EPB41L4B: variants seen among roughly 807,000 people sequenced by gnomAD.
The protein encoded by EPB41L4B is erythrocyte membrane protein band 4.1 like 4B.
A neutral mutation model predicts 112.5 loss-of-function variants in EPB41L4B; 30 were observed. That is an observed-to-expected ratio of 0.27 (90% confidence interval 0.20 to 0.36). The LOEUF (loss-of-function observed/expected upper bound fraction) is 0.36, where lower values mean the gene tolerates loss of function less well. Ranked by LOEUF, EPB41L4B falls within the 10% of genes least tolerant of loss-of-function variation. The probability of loss-of-function intolerance (pLI) is 1.00; values close to 1 mark genes in which losing one functional copy is unlikely to be tolerated. For missense variants in EPB41L4B, 1,024 were observed against 1,133.3 expected (o/e 0.90, Z 1.38); for synonymous variants, 408 against 439.7 (o/e 0.93, Z 0.90).
chr9:109,252,303 T>C (rs952344814), intron 12 of EPB41L4B, among the ~76,000 whole-genome samples: 16 of 152,196 alleles, frequency 1.1e-4, no homozygotes, highest in African/African-American at 3.9e-4. Context: ...TCTGAACCAG[T>C]GGACTACACA....
At chr9:109,182,907 G>A (rs974880495) in intron 23 of EPB41L4B, 110 bp from the exon 24 acceptor site, 43 of 756,280 alleles carry the variant, frequency 5.7e-5, no homozygotes, top group Admixed American at 8.2e-5. Context: ...GGGTGCCCCC[G>A]CAGAGCCTTC....
Position 109,172,471 on chromosome 9 carries a change from A to C in EPB41L4B, c.*2083T>G, listed in dbSNP as rs943164007. ...AGGGGTAAAAGGACCCAAACGCTAC[A>C]ATTGCCCCGGATAGCTCCACTGACA... On this transcript the variant is annotated 3_prime_UTR_variant, in exon 26 of 26. Coordinates refer to ENST00000374566, the MANE Select transcript of EPB41L4B (RefSeq NM_019114.5). 1.3e-5 allele frequency: 2 copies of C among 152,238 alleles called. No homozygotes were observed. The highest frequency in any genetic ancestry group is 1.3e-4 in the Admixed American group (2 of 15,286). 9.4% of individuals were successfully genotyped at this position (152,238 alleles called of 1,614,324 possible).
intron 12 of EPB41L4B, among the ~76,000 whole-genome samples, chr9:109,251,862 C>A (rs17793161): frequency 0.011 from 1,689 of 152,200 alleles, 22 homozygotes; most frequent in East Asian, 0.086. Context: ...ATCAGGGATG[C>A]AATATAAGCA....
rs1588158966 is a variant in EPB41L4B at position 109,236,587 on chromosome 9, A to G, written c.1409+7031T>C. Reference sequence around the variant, plus strand: ...AAAATGCAGGATCTTGGGTCTTACCACTGACCATTTAGAATGCCACAATCC... The same window carrying G: ...AAAATGCAGGATCTTGGGTCTTACCGCTGACCATTTAGAATGCCACAATCC... On this transcript the variant is annotated intron_variant, in intron 15 of 25. Coordinates refer to ENST00000374566, the MANE Select transcript of EPB41L4B (RefSeq NM_019114.5). Among the ~76,000 whole-genome samples the G allele has an allele frequency of 4.6e-5, 7 of 152,312 alleles. No homozygotes were observed. In the South Asian group the frequency reaches 1.4e-3, roughly 32 times the overall value.
At position 109,200,310 on chromosome 9, in the gene EPB41L4B, T is replaced by A. The variant is rs779225060; in HGVS notation, c.1971A>T (p.Glu657Asp). The change falls in exon 20 of 26, where the codon GAA becomes GAT. Residue 657 changes from glutamate to aspartate, a missense_variant. Glu to Asp is a conservative substitution (Grantham distance 45, BLOSUM62 2). Transcript: ENST00000374566. ...SVRSPIPIRV[E>D]TAQPAVEKPE... ...GCTTTTCCACAGCTGGCTGGGCAGT[T>A]TCCACACGAATAGGAATAGGACTTC... 1.2e-6 allele frequency: 2 copies of A among 1,614,136 alleles called. No individual in the cohort carries two copies. Among genetic ancestry groups the A allele is most frequent in the East Asian group, 4.5e-5 (2 of 44,882 alleles).
rs886842346 is a variant in EPB41L4B, at chr9:109,279,962, C to G, written c.307-41G>C. On this transcript the variant is annotated intron_variant, in intron 1 of 25. Transcript: ENST00000374566. ...GAAGATGAAAAAACTTAGGGTGAGA[C>G]AGCTAGATAAGAAAAAAAAGGTTAA... 2.0e-6 allele frequency: 3 copies of G among 1,491,562 alleles called. No homozygotes were observed. The African/African-American group carries it at 4.2e-5, about 21-fold the overall frequency. The allele number at this position is 1,491,562 out of a possible 1,614,324, so 92.4% of individuals were successfully genotyped here. A position where few individuals can be genotyped will look rare whatever the true frequency, so the allele number is the denominator to read the frequency against.
rs923346092 is a variant in EPB41L4B at position 109,194,416 on chromosome 9, C to T, written c.2046-19G>A. The T allele has an allele frequency of 2.5e-6, 4 of 1,612,112 alleles. No homozygotes were observed. The highest frequency in any genetic ancestry group is 1.7e-6 in the Non-Finnish European group (2 of 1,178,856). ...TTCATCACTGCGGTTACTAAAAGCA[C>T]ATGAAGCTCTGCTCATTACAATAAT... is the stretch of plus-strand genomic sequence containing the variant. On this transcript the variant is annotated intron_variant, in intron 20 of 25. Coordinates refer to ENST00000374566, the MANE Select transcript of EPB41L4B (RefSeq NM_019114.5).
chr9:109,200,975 T>A (rs902901121), intron 19 of EPB41L4B, among the ~76,000 whole-genome samples: 3 of 152,136 alleles, frequency 2.0e-5, no homozygotes, highest in Non-Finnish European at 2.9e-5. Flanking sequence ...TTAAGGAAAA[T>A]TTTTAATGCA....
chr9:109,231,037 T>C lies in EPB41L4B; in HGVS notation c.1409+12581A>G, dbSNP rs375006954. ...AGCTGGGCATAGTGGTGCACGCCTG[T>C]AGTCCCAGCTACCCAGGAGAATGAA... is the stretch of plus-strand genomic sequence containing the variant. On this transcript the variant is annotated intron_variant, in intron 15 of 25. Transcript: ENST00000374566. Among the ~76,000 whole-genome samples, 6 of 151,972 alleles carry C rather than the reference T, an allele frequency of 3.9e-5. No homozygotes were observed. In the East Asian group the frequency reaches 5.8e-4, roughly 15 times the overall value.
intron 23 of EPB41L4B, 56 bp from the exon 24 acceptor site, chr9:109,182,853 C>T: frequency 2.3e-6 from 3 of 1,278,738 alleles, no homozygotes; most frequent in South Asian, 1.2e-5. Flanking sequence ...CAAAGTTTTG[C>T]AATCTTTGGC....
intron 15 of EPB41L4B, among the ~76,000 whole-genome samples, chr9:109,217,361 C>T (rs73654230): frequency 6.6e-6 from 1 of 152,104 alleles, no homozygotes; most frequent in African/African-American, 2.4e-5. Context: ...AGTCTTGTAA[C>T]TTAAAGAAGT....
chr9:109,316,009 A>G (rs1837620799), intron 1 of EPB41L4B, among the ~76,000 whole-genome samples: 1 of 152,132 alleles, frequency 6.6e-6, no homozygotes, highest in Non-Finnish European at 1.5e-5. Context: ...AGAGGTTTCT[A>G]AGATTACAAC....
Position 109,194,492 on chromosome 9 carries a change from G to A in EPB41L4B, c.2046-95C>T. ...GGATGGGCAGGGGTGGGAAGACCAG[G>A]GATGGGGATTGGGGGTTCCCAAACA... On this transcript the variant is annotated intron_variant, in intron 20 of 25. Coordinates refer to ENST00000374566, the MANE Select transcript of EPB41L4B (RefSeq NM_019114.5). 2.9e-6 allele frequency: 4 copies of A among 1,357,108 alleles called. No individual in the cohort carries two copies. In the South Asian group the frequency reaches 5.6e-5, roughly 19 times the overall value. The allele number at this position is 1,357,108 out of a possible 1,614,324, so 84.1% of individuals were successfully genotyped here.
Position 109,173,455 on chromosome 9 carries a change from G to C in EPB41L4B, c.*1099C>G, listed in dbSNP as rs974316393. On this transcript the variant is annotated 3_prime_UTR_variant, in exon 26 of 26. Transcript: ENST00000374566. ...ATTCATAGCAGCACTATTTATAAGAGTGAAAAATTAGATATAACTCAAATA... is the reference window on the plus strand; with the variant it reads ...ATTCATAGCAGCACTATTTATAAGACTGAAAAATTAGATATAACTCAAATA... 5 of 152,240 alleles carry C rather than the reference G, an allele frequency of 3.3e-5. No individual in the cohort carries two copies. Among genetic ancestry groups the C allele is most frequent in the African/African-American group, 1.2e-4 (5 of 41,308 alleles). The allele number at this position is 152,240 out of a possible 1,614,324, so 9.4% of individuals were successfully genotyped here. A position where few individuals can be genotyped will look rare whatever the true frequency, so the allele number is the denominator to read the frequency against.
Position 109,255,642 on chromosome 9 carries a change from G to C in EPB41L4B, c.1038C>G (p.Asp346Glu). The change falls in exon 11 of 26, where the codon GAC becomes GAG. Residue 346 changes from aspartate (D) to glutamate (E), a missense_variant. Coordinates refer to ENST00000374566, the MANE Select transcript of EPB41L4B (RefSeq NM_019114.5). ...EQEHTFVFRLDSARTCKHLWK... is the reference protein window; with the variant it reads ...EQEHTFVFRLESARTCKHLWK... ...AAAGGTGTTTGCAGGTCCTGGCACTGTCTAACCGGAACACAAACGTGTGCT... is the reference window on the plus strand; with the variant it reads ...AAAGGTGTTTGCAGGTCCTGGCACTCTCTAACCGGAACACAAACGTGTGCT... 6.2e-7 allele frequency: 1 copy of C among 1,613,908 alleles called. No individual in the cohort carries two copies. The highest frequency in any genetic ancestry group is 8.5e-7 in the Non-Finnish European group (1 of 1,179,802).
At chr9:109,204,772 C>T (rs1328108346) in intron 18 of EPB41L4B, among the ~76,000 whole-genome samples, 2 of 152,226 alleles carry the variant, frequency 1.3e-5, no homozygotes, top group African/African-American at 4.8e-5. Flanking sequence ...TCTGGGATTA[C>T]AGGCATGAGC....
At position 109,273,523 on chromosome 9, in the gene EPB41L4B, A is replaced by G. The variant is rs969015967; in HGVS notation, c.412-5090T>C. Reference sequence around the variant, plus strand: ...TGGCCTCCCAAAGTGCTGGGATTACAGACGTGAGCCACCACACCACGCCCT... The same window carrying G: ...TGGCCTCCCAAAGTGCTGGGATTACGGACGTGAGCCACCACACCACGCCCT... On this transcript the variant is annotated intron_variant, in intron 2 of 25. Coordinates refer to ENST00000374566, the MANE Select transcript of EPB41L4B (RefSeq NM_019114.5). Among the ~76,000 whole-genome samples, 5 of 152,272 alleles carry G rather than the reference A, an allele frequency of 3.3e-5. 1 individual carries two copies. Among genetic ancestry groups the G allele is most frequent in the Admixed American group, 2.6e-4 (4 of 15,300 alleles).
rs1304503699 is a variant in EPB41L4B at position 109,320,372 on chromosome 9, CCCGCGCCCCG to C, written c.65_74del (p.Ala22GlyfsTer73). On this transcript the variant is annotated frameshift_variant, in exon 1 of 26. Transcript: ENST00000374566. LOFTEE classifies it high-confidence loss of function. ...CGCGCTCGTCCCCCAGCCCGGCGGCCCCGCGCCCCGCCGCGCCCCGCGCGTAGCGCTGCAT... is the reference window on the plus strand; with the variant it reads ...CGCGCTCGTCCCCCAGCCCGGCGGCCCCGCGCCCCGCGCGTAGCGCTGCAT... The C allele has an allele frequency of 5.1e-6, 5 of 982,644 alleles. No individual in the cohort carries two copies. The highest frequency in any genetic ancestry group is 6.3e-5 in the Admixed American group (1 of 15,828). 60.9% of individuals were successfully genotyped at this position (982,644 alleles called of 1,614,324 possible).
rs191318223 is a variant in EPB41L4B, at chr9:109,248,876, G to A, written c.1311-1087C>T. On this transcript the variant is annotated intron_variant, in intron 13 of 25. Transcript: ENST00000374566. ...AGATCGAGACCATCCTGGCTAATAC[G>A]GTGGAACCTCGTCTCTACTAAAAAT... Among the ~76,000 whole-genome samples the A allele has an allele frequency of 3.5e-3, 530 of 151,810 alleles. 6 individuals are homozygous for A. Among genetic ancestry groups the A allele is most frequent in the African/African-American group, 0.012 (498 of 41,386 alleles).
Sources: gnomAD v4.1 joint callset for allele counts (sites outside exome capture counted in the v4.1 genomes callset) on GRCh38, gnomAD v4.1.1 for gene constraint, MANE v1.5 for transcripts, NCBI Gene and HGNC (gene_info 2026-07-23, HGNC 2026-07-21) for gene names.